CDH8: variants seen among roughly 807,000 people sequenced by gnomAD.
The protein encoded by CDH8 is cadherin-8.
In CDH8, 17 loss-of-function variants were observed where a neutral mutation model predicts 68.1. That is an observed-to-expected ratio of 0.25 (90% CI 0.17 to 0.37). CDH8 has a LOEUF of 0.37. Ranked by LOEUF, CDH8 falls within the 10% of genes least tolerant of loss-of-function variation. CDH8 has a pLI of 1.00. For synonymous variants in CDH8, 372 were observed against 365.1 expected (o/e 1.02, Z -0.21); for missense variants, 763 against 999.3 (o/e 0.76, Z 3.19).
chr16:61,921,169 G>T (rs1345348418), intron 2 of CDH8, among the ~76,000 whole-genome samples: 1 of 150,484 alleles, frequency 6.6e-6, no homozygotes, highest in Non-Finnish European at 1.5e-5. Context: ...ACGAGTTGGT[G>T]GGTGCACCGC....
chr16:61,752,334 CA>C (rs1960189234), intron 8 of CDH8, among the ~76,000 whole-genome samples: 1 of 152,020 alleles, frequency 6.6e-6, no homozygotes, highest in Non-Finnish European at 1.5e-5. Flanking sequence ...GGATGATTAG[CA>C]AAAAACTTAA....
chr16:61,824,238 T>C (rs1477917210), intron 5 of CDH8, among the ~76,000 whole-genome samples: 1 of 151,836 alleles, frequency 6.6e-6, no homozygotes, highest in Non-Finnish European at 1.5e-5. Context: ...ATAATAATAA[T>C]AAGTATGTAG....
At chr16:61,762,055 G>A (rs1361778282) in intron 8 of CDH8, among the ~76,000 whole-genome samples, 1 of 152,022 alleles carries the variant, frequency 6.6e-6, no homozygotes, top group Non-Finnish European at 1.5e-5. Context: ...ATAGATTAGT[G>A]GTTGCCATGA....
At position 61,943,138 on chromosome 16, in the gene CDH8, TCATC is replaced by T. The variant is rs574354336; in HGVS notation, c.253-41669_253-41666del. Among the ~76,000 whole-genome samples the T allele has an allele frequency of 1.2e-4, 19 of 152,294 alleles. No homozygotes were observed. In the East Asian group the frequency reaches 3.5e-3, roughly 28 times the overall value. On this transcript the variant is annotated intron_variant, in intron 2 of 11. Transcript: ENST00000577390. ...ATATTTTCCAGAAATCCCAAACTAATCATCCAGTCATTCTGCATTATATCACTCT... is the reference window on the plus strand; with the variant it reads ...ATATTTTCCAGAAATCCCAAACTAATCAGTCATTCTGCATTATATCACTCT...
intron 2 of CDH8, among the ~76,000 whole-genome samples, chr16:61,955,971 G>A (rs1964981332): frequency 1.3e-5 from 2 of 152,260 alleles, no homozygotes; most frequent in South Asian, 4.1e-4. Flanking sequence ...GTAGAACTGA[G>A]TTCTTTATTA....
chr16:61,770,667 T>C (rs1196468467), intron 8 of CDH8, among the ~76,000 whole-genome samples: 2 of 151,942 alleles, frequency 1.3e-5, no homozygotes, highest in Non-Finnish European at 2.9e-5. Flanking sequence ...TGCCACATGG[T>C]AGTATCTGGA....
rs367963297 is a variant in CDH8 at position 61,793,144 on chromosome 16, T to G, written c.1278-3662A>C. Reference sequence around the variant, plus strand: ...TCCATTGTGAGGACACAGTGAGAAGTTGATTGTCTGCAACCCAGAAGAGGG... The same window carrying G: ...TCCATTGTGAGGACACAGTGAGAAGGTGATTGTCTGCAACCCAGAAGAGGG... On this transcript the variant is annotated intron_variant, in intron 7 of 11. Coordinates refer to ENST00000577390, the MANE Select transcript of CDH8 (RefSeq NM_001796.5). Among the ~76,000 whole-genome samples the G allele has an allele frequency of 3.9e-5, 6 of 152,006 alleles. No homozygotes were observed. In the East Asian group the frequency reaches 9.7e-4, roughly 25 times the overall value.
At chr16:61,951,534 GC>G (rs1376694477) in intron 2 of CDH8, among the ~76,000 whole-genome samples, 1 of 148,884 alleles carries the variant, frequency 6.7e-6, no homozygotes, top group Non-Finnish European at 1.5e-5. Flanking sequence ...AAAAAAAGAT[GC>G]CATATGATCT....
At chr16:61,988,476 T>G (rs1249659088) in intron 2 of CDH8, among the ~76,000 whole-genome samples, 2 of 152,122 alleles carry the variant, frequency 1.3e-5, no homozygotes, top group Non-Finnish European at 2.9e-5. Flanking sequence ...AATATTCTAG[T>G]AATAACAGTA....
At chr16:61,794,903 G>T (rs889111041) in intron 7 of CDH8, among the ~76,000 whole-genome samples, 3 of 151,886 alleles carry the variant, frequency 2.0e-5, no homozygotes, top group African/African-American at 4.8e-5. Flanking sequence ...CAGAAAGGAT[G>T]CCATTTTTGG....
intron 4 of CDH8, among the ~76,000 whole-genome samples, chr16:61,850,165 C>A (rs897406017): frequency 2.6e-5 from 4 of 151,990 alleles, no homozygotes; most frequent in Non-Finnish European, 4.4e-5. Flanking sequence ...ATCTGCCCGG[C>A]TTTTGGTGAG....
intron 10 of CDH8, among the ~76,000 whole-genome samples, chr16:61,678,802 T>C (rs1963962255): frequency 6.6e-6 from 1 of 152,130 alleles, no homozygotes; most frequent in African/African-American, 2.4e-5. Context: ...TACCCTCCCC[T>C]GCTAATCTTA....
At chr16:61,943,094 A>G (rs974487966) in intron 2 of CDH8, among the ~76,000 whole-genome samples, 16 of 152,176 alleles carry the variant, frequency 1.1e-4, no homozygotes, top group African/African-American at 3.6e-4. Context: ...ACAAAAAAAG[A>G]AAAACACCAA....
At chr16:61,768,836 T>C (rs1318654755) in intron 8 of CDH8, among the ~76,000 whole-genome samples, 1 of 151,862 alleles carries the variant, frequency 6.6e-6, no homozygotes, top group Admixed American at 6.6e-5. Context: ...TTATTGTTAC[T>C]ATATCTCAAA....
chr16:61,669,076 T>C (rs1323727685), intron 10 of CDH8, among the ~76,000 whole-genome samples: 1 of 152,072 alleles, frequency 6.6e-6, no homozygotes, highest in Non-Finnish European at 1.5e-5. Context: ...TAACTTGCTT[T>C]GATTTGTAGG....
intron 4 of CDH8, among the ~76,000 whole-genome samples, chr16:61,847,988 C>T (rs1171118477): frequency 6.6e-6 from 1 of 151,948 alleles, no homozygotes; most frequent in Non-Finnish European, 1.5e-5. Context: ...ATCTTTGATG[C>T]TGTTAGATAA....
intron 3 of CDH8, among the ~76,000 whole-genome samples, chr16:61,883,753 C>G (rs546266196): frequency 2.0e-5 from 3 of 151,764 alleles, no homozygotes; most frequent in South Asian, 4.2e-4. Flanking sequence ...GGATTTACAA[C>G]AAGACCTCGA....
chr16:62,001,806 T>A (rs1207198226), intron 2 of CDH8, among the ~76,000 whole-genome samples: 1 of 152,182 alleles, frequency 6.6e-6, no homozygotes, highest in Admixed American at 6.5e-5. Context: ...TAACTCCTAA[T>A]GCTATCCCTT....
chr16:62,033,696 C>T lies in CDH8; in HGVS notation c.-200+2384G>A, dbSNP rs73568802. ...GTCTCTAAAACATTTGGCCTATTTG[C>T]GATGGTCAGGGGATAACTTGACATT... On this transcript the variant is annotated intron_variant, in intron 1 of 11. Coordinates refer to ENST00000577390, the MANE Select transcript of CDH8 (RefSeq NM_001796.5). Among the ~76,000 whole-genome samples, 1,326 of 152,204 alleles carry T rather than the reference C, an allele frequency of 8.7e-3. 17 individuals carry two copies. The highest frequency in any genetic ancestry group is 0.03 in the African/African-American group (1,232 of 41,530).
Sources: allele counts gnomAD v4.1 joint callset (sites outside exome capture counted in the v4.1 genomes callset), GRCh38; gene constraint gnomAD v4.1.1; transcripts MANE v1.5; gene names NCBI Gene and HGNC (gene_info 2026-07-23, HGNC 2026-07-21).